CLCN6: variants seen among roughly 807,000 people sequenced by gnomAD.
CLCN6 encodes Cl-/H+ antiporter 6, also known as H(+)/Cl(-) exchange transporter 6.
A neutral mutation model predicts 109.8 loss-of-function variants in CLCN6; 70 were observed. The observed-to-expected ratio is 0.64, with a 90% CI of 0.53 to 0.78. The LOEUF (loss-of-function observed/expected upper bound fraction) is 0.78, where lower values mean the gene tolerates loss of function less well. CLCN6 is among the 30% of genes least tolerant of loss of function. The pLI, the probability that CLCN6 is intolerant of heterozygous loss-of-function variation, is 0.00. For missense variants in CLCN6, 984 were observed against 1,142.3 expected (o/e 0.86, Z 2.00); for synonymous variants, 444 against 447.8 (o/e 0.99, Z 0.11).
At chr1:11,827,286 C>T (rs546857200) in intron 10 of CLCN6, 65 bp downstream of exon 10, 19 of 1,521,846 alleles carry the variant, frequency 1.2e-5, no homozygotes, top group Admixed American at 7.9e-5. Context: ...GTCCCTTACT[C>T]GGTACATGGA....
At chr1:11,814,145 G>A (rs1325391644) in intron 2 of CLCN6, among the ~76,000 whole-genome samples, 1 of 152,048 alleles carries the variant, frequency 6.6e-6, no homozygotes, top group African/African-American at 2.4e-5. Context: ...TGGGAGTGTG[G>A]CTGCCACCCA....
rs1030102212 is a variant in CLCN6 at position 11,842,678 on chromosome 1, T to A, written c.*2455T>A. Reference sequence around the variant, plus strand: ...GGTGTTCCATGGCCCCTAGGCGAGGTGATCAGGGAGTGGGGCCAATGGGCC... The same window carrying A: ...GGTGTTCCATGGCCCCTAGGCGAGGAGATCAGGGAGTGGGGCCAATGGGCC... On this transcript the variant is annotated 3_prime_UTR_variant, in exon 23 of 23. Transcript: ENST00000346436. 6.6e-6 allele frequency: 1 copy of A among 152,408 alleles called. No homozygotes were observed. Among genetic ancestry groups the A allele is most frequent in the Non-Finnish European group, 1.5e-5 (1 of 68,064 alleles). 9.4% of individuals were successfully genotyped at this position (152,408 alleles called of 1,614,324 possible). A position where few individuals can be genotyped will look rare whatever the true frequency, so the allele number is the denominator to read the frequency against.
chr1:11,808,275 A>G (rs768223767), intron 2 of CLCN6, among the ~76,000 whole-genome samples: 88 of 138,894 alleles, frequency 6.3e-4, no homozygotes, highest in African/African-American at 2.3e-3. Flanking sequence ...GTGTGTTTTA[A>G]AGTAAAGACA....
In CLCN6 at chr1:11,823,882, G is replaced by T. The variant is rs115287045; in HGVS notation, c.580+49G>T. On this transcript the variant is annotated intron_variant, in intron 7 of 22. Coordinates refer to ENST00000346436, the MANE Select transcript of CLCN6 (RefSeq NM_001286.5). ...CTTCAAATACTCAAAGGGCAGAGAC[G>T]ACAAGAAGCATGATGTATTTCAGTT... is the stretch of plus-strand genomic sequence containing the variant. The T allele has an allele frequency of 1.9e-6, 3 of 1,606,064 alleles. 1 individual carries two copies. In the East Asian group the frequency reaches 6.7e-5, roughly 36 times the overall value.
At chr1:11,811,755 G>C (rs1644602519) in intron 2 of CLCN6, among the ~76,000 whole-genome samples, 1 of 152,102 alleles carries the variant, frequency 6.6e-6, no homozygotes, top group South Asian at 2.1e-4. Flanking sequence ...GCCACTGCCT[G>C]TTCTCCTTGC....
chr1:11,836,166 G>T lies in CLCN6; in HGVS notation c.1980+13G>T. ...CATCAAGTTCAAGGTAAAGAAAACG[G>T]CATGAGAGGAAAGGCAGGTGAGAGA... On this transcript the variant is annotated intron_variant, in intron 18 of 22. Coordinates refer to ENST00000346436, the MANE Select transcript of CLCN6 (RefSeq NM_001286.5). 2 of 1,608,784 alleles carry T rather than the reference G, an allele frequency of 1.2e-6. No individual in the cohort carries two copies. Among genetic ancestry groups the T allele is most frequent in the South Asian group, 2.2e-5 (2 of 90,418 alleles).
intron 12 of CLCN6, 111 bp downstream of exon 12, chr1:11,828,735 A>C: frequency 1.3e-4 from 148 of 1,155,226 alleles, no homozygotes; most frequent in Middle Eastern, 3.0e-4. Flanking sequence ...TTGATTTCTC[A>C]TCTAAGACTG....
chr1:11,831,502 A>G (rs1476066573), intron 13 of CLCN6, among the ~76,000 whole-genome samples: 2 of 152,210 alleles, frequency 1.3e-5, no homozygotes, highest in Admixed American at 1.3e-4. Flanking sequence ...AATATGCCGC[A>G]GAGACTGTAC....
chr1:11,817,407 A>AT (rs1326538355), intron 4 of CLCN6, among the ~76,000 whole-genome samples: 1 of 152,208 alleles, frequency 6.6e-6, no homozygotes, highest in Non-Finnish European at 1.5e-5. Context: ...TACGTCGTTA[A>AT]TGTTATCTAG....
intron 2 of CLCN6, among the ~76,000 whole-genome samples, chr1:11,814,063 A>T (rs1193748279): frequency 6.6e-6 from 1 of 151,860 alleles, no homozygotes; most frequent in Non-Finnish European, 1.5e-5. Context: ...ATTTGGACTA[A>T]CTCTAGGTAG....
At chr1:11,821,384 C>G (rs6699618) in intron 5 of CLCN6, among the ~76,000 whole-genome samples, 21,067 of 152,152 alleles carry the variant, frequency 0.14, 1,559 homozygotes, top group South Asian at 0.2. Context: ...ATGGTGAAAC[C>G]CTGTCTCTAC....
intron 2 of CLCN6, among the ~76,000 whole-genome samples, chr1:11,814,965 G>A (rs944807501): frequency 4.6e-5 from 7 of 151,564 alleles, no homozygotes; most frequent in African/African-American, 1.2e-4. Flanking sequence ...CCCGGGAGGC[G>A]GAGCTTGCAG....
Position 11,834,201 on chromosome 1 carries a change from T to C in CLCN6, c.1527-35T>C. ...TCCTCCCCACAGCCTATCAGTGTGG[T>C]TCAAAGCCATGTTCTCGGTGTTTTC... On this transcript the variant is annotated intron_variant, in intron 15 of 22. Transcript: ENST00000346436. The surrounding 1 kb of genome is among the most constrained non-coding windows in gnomAD (Gnocchi z 4.5). 1 of 1,603,286 alleles carries C rather than the reference T, an allele frequency of 6.2e-7. No homozygotes were observed. The highest frequency in any genetic ancestry group is 8.5e-7 in the Non-Finnish European group (1 of 1,174,824).
chr1:11,831,488 AAAG>A (rs1250473631), intron 13 of CLCN6, among the ~76,000 whole-genome samples: 2 of 152,166 alleles, frequency 1.3e-5, no homozygotes, highest in Admixed American at 6.6e-5. Context: ...GAGAGAAAAA[AAAG>A]AATATGCCGC....
chr1:11,816,080 A>G, intron 3 of CLCN6, 169 bp downstream of exon 3: 1 of 583,148 alleles, frequency 1.7e-6, no homozygotes, highest in Non-Finnish European at 3.0e-6. Context: ...CCTCGCAGGT[A>G]CTGCAGGTTT....
rs17376328 is a variant in CLCN6, at chr1:11,816,605, G to A, written c.214-10G>A. On this transcript the variant is annotated splice_polypyrimidine_tract_variant and intron_variant, in intron 3 of 22. Coordinates refer to ENST00000346436, the MANE Select transcript of CLCN6 (RefSeq NM_001286.5). ...CTGTAAACTGAATCATTCTTTTCCT[G>A]TGTGAACAGAAAGGTCGAAGATATG... The A allele has an allele frequency of 0.05, 80,261 of 1,610,052 alleles. 2,260 individuals carry two copies. The highest frequency in any genetic ancestry group is 0.054 in the Non-Finnish European group (63,824 of 1,177,580).
intron 2 of CLCN6, among the ~76,000 whole-genome samples, chr1:11,815,062 T>C (rs902490713): frequency 3.9e-5 from 6 of 152,060 alleles, no homozygotes; most frequent in Non-Finnish European, 8.8e-5. Context: ...TGGAAGTTGC[T>C]TTTAAAAATA....
chr1:11,828,744 T>C, intron 12 of CLCN6, 120 bp downstream of exon 12: 3 of 1,100,292 alleles, frequency 2.7e-6, no homozygotes, highest in Non-Finnish European at 3.9e-6. Context: ...CATCTAAGAC[T>C]GAGAATCTAA....
intron 10 of CLCN6, 100 bp downstream of exon 10, chr1:11,827,321 G>A (rs1431761743): frequency 3.9e-6 from 5 of 1,284,208 alleles, no homozygotes; most frequent in Non-Finnish European, 4.2e-6. Context: ...GAGACTGGGG[G>A]GTCAACTGGA....
Sources: gnomAD v4.1 joint callset for allele counts (sites outside exome capture counted in the v4.1 genomes callset) on GRCh38, gnomAD v4.1.1 for gene constraint, Gnocchi (gnomAD v3.1) non-coding constraint, MANE v1.5 for transcripts, NCBI Gene and HGNC (gene_info 2026-07-23, HGNC 2026-07-21) for gene names.